PTPRD: variants seen among roughly 807,000 people sequenced by gnomAD.
The protein encoded by PTPRD is protein tyrosine phosphatase receptor type D, also known as receptor-type tyrosine-protein phosphatase delta.
PTPRD carries 34 observed loss-of-function variants against 214.5 expected under a neutral mutation model. The observed-to-expected ratio is 0.16, with a 90% CI of 0.12 to 0.21. The LOEUF (loss-of-function observed/expected upper bound fraction) is 0.21, where lower values mean the gene tolerates loss of function less well. Among genes scored for constraint, PTPRD ranks in the 10% least tolerant of loss-of-function variants. The pLI is 1.00. For synonymous variants in PTPRD, 1,128 were observed against 845.7 expected (o/e 1.33, Z -5.79); for missense variants, 2,545 against 2,398.7 (o/e 1.06, Z -1.27).
intron 9 of PTPRD, among the ~76,000 whole-genome samples, chr9:9,321,640 T>C (rs1966616334): frequency 6.6e-6 from 1 of 152,200 alleles, no homozygotes; most frequent in African/African-American, 2.4e-5. Context: ...GAAGTTATAG[T>C]AATTAAAATA....
chr9:10,584,128 T>C (rs2073070088), intron 2 of PTPRD, among the ~76,000 whole-genome samples: 1 of 150,924 alleles, frequency 6.6e-6, no homozygotes, highest in African/African-American at 2.4e-5. Context: ...TCCTTACCCC[T>C]CTTCTTCTCT....
At chr9:10,089,869 G>A (rs781308686) in intron 3 of PTPRD, among the ~76,000 whole-genome samples, 1 of 151,652 alleles carries the variant, frequency 6.6e-6, no homozygotes, top group Non-Finnish European at 1.5e-5. Flanking sequence ...ACACCTGACT[G>A]TGTGAGCTAC....
chr9:8,536,870 G>A (rs957089609), intron 14 of PTPRD, among the ~76,000 whole-genome samples: 1 of 151,976 alleles, frequency 6.6e-6, no homozygotes, highest in African/African-American at 2.4e-5. Context: ...TGTCTCAGAG[G>A]CTGGAAGGCA....
chr9:9,365,404 T>G (rs2057599150), intron 9 of PTPRD, among the ~76,000 whole-genome samples: 1 of 151,580 alleles, frequency 6.6e-6, no homozygotes, highest in African/African-American at 2.4e-5. Flanking sequence ...ATGTCTTTAT[T>G]CATTCACCTC....
chr9:9,200,120 CT>C (rs2099941002), intron 9 of PTPRD, among the ~76,000 whole-genome samples: 1 of 152,216 alleles, frequency 6.6e-6, no homozygotes, highest in Admixed American at 6.5e-5. Flanking sequence ...TAAGTTGCCT[CT>C]GCTCCTACTG....
At chr9:10,306,064 C>T (rs1225055895) in intron 3 of PTPRD, among the ~76,000 whole-genome samples, 1 of 152,192 alleles carries the variant, frequency 6.6e-6, no homozygotes, top group East Asian at 1.9e-4. Context: ...AAATGTGGCA[C>T]ATATACACCA....
chr9:9,874,157 T>C (rs927544330), intron 5 of PTPRD, among the ~76,000 whole-genome samples: 2 of 152,088 alleles, frequency 1.3e-5, no homozygotes, highest in Non-Finnish European at 2.9e-5. Context: ...TTACTATGTA[T>C]AATAAATGAA....
chr9:8,547,259 T>C (rs2080456174), intron 14 of PTPRD, among the ~76,000 whole-genome samples: 2 of 152,006 alleles, frequency 1.3e-5, no homozygotes, highest in South Asian at 4.1e-4. Context: ...CCAAAAACAA[T>C]AAACTTATTA....
intron 11 of PTPRD, among the ~76,000 whole-genome samples, chr9:8,925,857 TA>T (rs1356064540): frequency 1.3e-3 from 131 of 102,846 alleles, no homozygotes; most frequent in Admixed American, 6.2e-3. Context: ...ACTATTGCAA[TA>T]TTTTTTTTTT....
intron 9 of PTPRD, among the ~76,000 whole-genome samples, chr9:9,335,411 T>C (rs1476180234): frequency 2.0e-5 from 3 of 152,064 alleles, no homozygotes; most frequent in African/African-American, 7.2e-5. Flanking sequence ...TTTTTACCTT[T>C]ATTGTCATAG....
chr9:9,153,606 T>A (rs568053552), intron 10 of PTPRD, among the ~76,000 whole-genome samples: 176 of 152,342 alleles, frequency 1.2e-3, no homozygotes, highest in Non-Finnish European at 2.0e-3. Flanking sequence ...ACAGTGATAT[T>A]AACTATACAT....
intron 9 of PTPRD, among the ~76,000 whole-genome samples, chr9:9,271,916 A>C (rs1943098915): frequency 6.6e-6 from 1 of 151,422 alleles, no homozygotes; most frequent in Admixed American, 6.6e-5. Flanking sequence ...GTTTCTGCAT[A>C]ATTGAGAAAC....
At chr9:9,280,242 G>A (rs114065056) in intron 9 of PTPRD, among the ~76,000 whole-genome samples, 2,886 of 151,234 alleles carry the variant, frequency 0.019, 84 homozygotes, top group African/African-American at 0.066. Flanking sequence ...GTACTAAGAC[G>A]GAGTGACTTG....
rs56044285 is a variant in PTPRD, at chr9:8,792,351, A to C, written c.-103-58405T>G. Among the ~76,000 whole-genome samples the C allele has an allele frequency of 1.6e-4, 25 of 152,256 alleles. No homozygotes were observed. The East Asian group carries it at 4.5e-3, about 27-fold the overall frequency. On this transcript the variant is annotated intron_variant, in intron 11 of 45. Transcript: ENST00000381196. ...ATGAGTTCCAGAACATACGCATTAA[A>C]AATGATAATAAATGCAGTCACTTTC...
At chr9:9,538,369 C>A (rs2076930171) in intron 8 of PTPRD, among the ~76,000 whole-genome samples, 1 of 151,838 alleles carries the variant, frequency 6.6e-6, no homozygotes, top group Non-Finnish European at 1.5e-5. Context: ...CCGAGACAAC[C>A]ATTAAGCATA....
intron 11 of PTPRD, among the ~76,000 whole-genome samples, chr9:8,799,286 A>G (rs566089078): frequency 1.3e-5 from 2 of 152,316 alleles, no homozygotes; most frequent in African/African-American, 4.8e-5. Flanking sequence ...CTTAGCACAG[A>G]TAATGCTAGA....
At chr9:9,974,445 T>A (rs2095277199) in intron 4 of PTPRD, among the ~76,000 whole-genome samples, 1 of 152,182 alleles carries the variant, frequency 6.6e-6, no homozygotes, top group Non-Finnish European at 1.5e-5. Flanking sequence ...TTTGTCCCCC[T>A]TTCCACAACA....
chr9:9,770,816 T>C (rs1312055260), intron 5 of PTPRD, among the ~76,000 whole-genome samples: 7 of 152,136 alleles, frequency 4.6e-5, no homozygotes, highest in Admixed American at 4.6e-4. Flanking sequence ...CAAAGAAGTA[T>C]ATTGATGAAA....
chr9:9,982,398 G>C (rs866945422), intron 4 of PTPRD, among the ~76,000 whole-genome samples: 2 of 151,804 alleles, frequency 1.3e-5, no homozygotes, highest in Admixed American at 6.6e-5. Context: ...CAAATTATTT[G>C]TCAGTAAGTC....
Sources: allele counts gnomAD v4.1 joint callset (sites outside exome capture counted in the v4.1 genomes callset), GRCh38; gene constraint gnomAD v4.1.1; transcripts MANE v1.5; gene names NCBI Gene and HGNC (gene_info 2026-07-23, HGNC 2026-07-21).